The following RALGPS2 variants were observed in gnomAD, a reference collection of about 807,000 sequenced individuals.
RALGPS2 encodes Ral GEF with PH domain and SH3 binding motif 2, also known as ras-specific guanine nucleotide-releasing factor RalGPS2.
A neutral mutation model predicts 86.8 loss-of-function variants in RALGPS2; 43 were observed. That is an observed-to-expected ratio of 0.50 (90% CI 0.39 to 0.64). The LOEUF (loss-of-function observed/expected upper bound fraction) is 0.64, where lower values mean the gene tolerates loss of function less well. Among genes scored for constraint, RALGPS2 ranks in the 30% least tolerant of loss-of-function variants. RALGPS2 has a pLI of 0.00. For missense variants in RALGPS2, 536 were observed against 694.6 expected, an observed-to-expected ratio of 0.77 and a Z score of 2.57; for synonymous variants, 243 against 231.3, an observed-to-expected ratio of 1.05 and a Z score of -0.46.
At chr1:178,827,938 T>C (rs1018592881) in intron 7 of RALGPS2, among the ~76,000 whole-genome samples, 1 of 152,150 alleles carries the variant, frequency 6.6e-6, no homozygotes, top group Non-Finnish European at 1.5e-5. Flanking sequence ...TGGACCCTTA[T>C]CTCATACCAT....
At chr1:178,849,342 A>G (rs79714829) in intron 8 of RALGPS2, among the ~76,000 whole-genome samples, 4,595 of 152,290 alleles carry the variant, frequency 0.03, 226 homozygotes, top group African/African-American at 0.1. Context: ...ACTTCAGAGT[A>G]AAATAAATCA....
At chr1:178,765,223 C>T (rs116331767) in intron 1 of RALGPS2, among the ~76,000 whole-genome samples, 5,624 of 151,046 alleles carry the variant, frequency 0.037, 133 homozygotes, top group African/African-American at 0.058. Flanking sequence ...GGTGCAGTAT[C>T]GGGGGAATTT....
intron 16 of RALGPS2, chr1:178,894,325 C>T (rs574373500): frequency 5.4e-6 from 1 of 184,062 alleles, no homozygotes; most frequent in African/African-American, 2.3e-5. Context: ...CACACAGTAA[C>T]CGTAACTTTT....
chr1:178,872,321 A>T (rs1407956825), intron 8 of RALGPS2, among the ~76,000 whole-genome samples: 1 of 152,192 alleles, frequency 6.6e-6, no homozygotes, highest in East Asian at 1.9e-4. Flanking sequence ...GAGGTTGCAA[A>T]CACAAGGGCC....
chr1:178,902,404 T>C (rs569679220), intron 18 of RALGPS2, among the ~76,000 whole-genome samples, 193 bp downstream of exon 18: 1 of 152,116 alleles, frequency 6.6e-6, no homozygotes, highest in Non-Finnish European at 1.5e-5. Flanking sequence ...TATTGGGAAA[T>C]ACTTCTGTCC....
chr1:178,897,706 C>A lies in RALGPS2; in HGVS notation c.1474C>A (p.Gln492Lys). 6.2e-7 allele frequency: 1 copy of A among 1,612,712 alleles called. No individual in the cohort carries two copies. The highest frequency in any genetic ancestry group is 2.2e-5 in the East Asian group (1 of 44,844). ...TKYWAALCGT[Q>K]LFYYAAKSLK... is the part of the protein sequence containing the mutation. ...ATATTGGGCAGCTTTGTGTGGGACA[C>A]AGCTTTTTTACTATGCTGCCAAATC... Residue 492 changes from glutamine (Q) to lysine (K), a missense_variant, in exon 17 of 20, where the codon CAG (glutamine) becomes AAG (lysine). Physicochemically the swap from Gln to Lys is moderately conservative, Grantham distance 53 (BLOSUM62 1). This residue lies in a region of RALGPS2 where 309 missense variants were observed against 363.0 expected (regional missense o/e 0.85). Coordinates refer to ENST00000367635, the MANE Select transcript of RALGPS2 (RefSeq NM_152663.5).
intron 1 of RALGPS2, among the ~76,000 whole-genome samples, chr1:178,768,661 T>G (rs1652633282): frequency 6.6e-6 from 1 of 152,090 alleles, no homozygotes; most frequent in Non-Finnish European, 1.5e-5. Context: ...CCCTCCTCAG[T>G]CCTGGGGAGG....
At chr1:178,821,147 A>G (rs1446395369) in intron 6 of RALGPS2, among the ~76,000 whole-genome samples, 2 of 152,172 alleles carry the variant, frequency 1.3e-5, no homozygotes, top group African/African-American at 4.8e-5. Flanking sequence ...GAGGGACTGT[A>G]CTGTGAAAGG....
At chr1:178,798,153 T>G (rs1196858007) in intron 4 of RALGPS2, among the ~76,000 whole-genome samples, 1 of 152,212 alleles carries the variant, frequency 6.6e-6, no homozygotes, top group Non-Finnish European at 1.5e-5. Flanking sequence ...TCAAGACTTA[T>G]GCACACAAAG....
intron 1 of RALGPS2, among the ~76,000 whole-genome samples, chr1:178,749,341 G>A (rs1011908429): frequency 1.3e-5 from 2 of 152,072 alleles, no homozygotes; most frequent in Non-Finnish European, 2.9e-5. Flanking sequence ...ACAAAAATCA[G>A]CTGGCGTGGT....
intron 4 of RALGPS2, among the ~76,000 whole-genome samples, chr1:178,789,858 A>G (rs1272513619): frequency 6.6e-6 from 1 of 152,224 alleles, no homozygotes. Flanking sequence ...GAGAGGTTGA[A>G]CATAGTATTT....
chr1:178,866,527 A>G (rs1658424160), intron 8 of RALGPS2, among the ~76,000 whole-genome samples: 1 of 152,166 alleles, frequency 6.6e-6, no homozygotes. Flanking sequence ...GCTTATAGAT[A>G]ATTCAGCAGG....
At chr1:178,761,719 C>T (rs942036528) in intron 1 of RALGPS2, among the ~76,000 whole-genome samples, 1 of 151,960 alleles carries the variant, frequency 6.6e-6, no homozygotes, top group Non-Finnish European at 1.5e-5. Context: ...CACCATCACA[C>T]CTGGCTAATT....
chr1:178,738,429 G>A (rs982183172), intron 1 of RALGPS2, among the ~76,000 whole-genome samples: 1 of 151,672 alleles, frequency 6.6e-6, no homozygotes, highest in African/African-American at 2.4e-5. Flanking sequence ...GGCTGGTCTC[G>A]AACTCCTGAG....
chr1:178,761,708 G>A (rs991460472), intron 1 of RALGPS2, among the ~76,000 whole-genome samples: 2 of 151,708 alleles, frequency 1.3e-5, no homozygotes, highest in South Asian at 2.1e-4. Context: ...TTACAGGCAC[G>A]CACCATCACA....
At chr1:178,847,693 A>G (rs761969871) in intron 8 of RALGPS2, among the ~76,000 whole-genome samples, 2 of 152,220 alleles carry the variant, frequency 1.3e-5, no homozygotes, top group Admixed American at 1.3e-4. Context: ...AAATGTTTTT[A>G]TGATTGTGGA....
At chr1:178,859,820 GCC>G (rs796122342) in intron 8 of RALGPS2, among the ~76,000 whole-genome samples, 748 of 9,042 alleles carry the variant, frequency 0.083, 91 homozygotes, top group African/African-American at 0.21. Flanking sequence ...GCCTCTGCCC[GCC>G]CCCCCCCCCC....
intron 1 of RALGPS2, among the ~76,000 whole-genome samples, chr1:178,748,431 C>A (rs997683089): frequency 6.6e-6 from 1 of 151,986 alleles, no homozygotes; most frequent in African/African-American, 2.4e-5. Context: ...ATGATAGTCA[C>A]AAACTGGAAA....
chr1:178,873,418 A>G (rs1174646201), intron 8 of RALGPS2, among the ~76,000 whole-genome samples: 1 of 152,242 alleles, frequency 6.6e-6, no homozygotes. Context: ...ATACCATTTT[A>G]TACTCAGAAG....
Sources: gnomAD v4.1 joint callset for allele counts (sites outside exome capture counted in the v4.1 genomes callset) on GRCh38, gnomAD v4.1.1 for gene constraint, gnomAD v4.1.1 regional missense constraint, MANE v1.5 for transcripts, NCBI Gene and HGNC (gene_info 2026-07-23, HGNC 2026-07-21) for gene names.